OSBPL8: variants seen among roughly 807,000 people sequenced by gnomAD.
OSBPL8 encodes oxysterol binding protein like 8.
A neutral mutation model predicts 125.5 loss-of-function variants in OSBPL8; 59 were observed. The ratio of observed to expected loss-of-function variants is 0.47; its 90% CI spans 0.38 to 0.58. The LOEUF (loss-of-function observed/expected upper bound fraction) is 0.58, where lower values mean the gene tolerates loss of function less well. Ranked by LOEUF, OSBPL8 falls within the 20% of genes least tolerant of loss-of-function variation. The pLI, the probability that OSBPL8 is intolerant of heterozygous loss-of-function variation, is 0.00. For missense variants in OSBPL8, 758 were observed against 1,047.8 expected, an observed-to-expected ratio of 0.72 and a Z score of 3.82; for synonymous variants, 330 against 338.9, an observed-to-expected ratio of 0.97 and a Z score of 0.29.
intron 1 of OSBPL8, among the ~76,000 whole-genome samples, chr12:76,490,694 C>A (rs1318341841): frequency 6.6e-6 from 1 of 152,216 alleles, no homozygotes; most frequent in Non-Finnish European, 1.5e-5. Flanking sequence ...TTGGGAGCCA[C>A]AAGTGTGGAT....
chr12:76,486,923 T>C (rs1032587146), intron 2 of OSBPL8, among the ~76,000 whole-genome samples: 10 of 151,870 alleles, frequency 6.6e-5, no homozygotes, highest in African/African-American at 2.2e-4. Context: ...TCTTTCACTA[T>C]ATGGCTGGAA....
chr12:76,427,729 T>C (rs1870315673), intron 4 of OSBPL8, among the ~76,000 whole-genome samples: 1 of 152,068 alleles, frequency 6.6e-6, no homozygotes, highest in South Asian at 2.1e-4. Flanking sequence ...CAAAAGAGCA[T>C]CAACATTGCA....
chr12:76,505,795 T>C (rs1592809376), intron 1 of OSBPL8, among the ~76,000 whole-genome samples: 1 of 152,158 alleles, frequency 6.6e-6, no homozygotes, highest in Middle Eastern at 3.4e-3. Context: ...TAGGGAACAG[T>C]AGTGAGCAAA....
intron 4 of OSBPL8, among the ~76,000 whole-genome samples, chr12:76,427,058 G>A (rs1360074033): frequency 6.6e-6 from 1 of 151,992 alleles, no homozygotes; most frequent in African/African-American, 2.4e-5. Context: ...TCTGAATGGT[G>A]GTAAAATAAA....
rs1439058094 is a variant in OSBPL8 at position 76,397,756 on chromosome 12, T to C, written c.610A>G (p.Lys204Glu). 6.2e-7 allele frequency: 1 copy of C among 1,614,010 alleles called. No homozygotes were observed. Among genetic ancestry groups the C allele is most frequent in the Non-Finnish European group, 8.5e-7 (1 of 1,180,010 alleles). The change falls in exon 8 of 24, where the codon AAA (lysine) becomes GAA (glutamate). Residue 204 changes from lysine to glutamate, a missense_variant. Transcript: ENST00000261183. ...NACEIIERPSKKDGFCFKLFH... is the reference protein window; with the variant it reads ...NACEIIERPSEKDGFCFKLFH... ...AGTTTGAAACAAAAGCCATCCTTTT[T>C]TGATGGACGTTCAATGATTTCACAG...
At chr12:76,425,853 A>G (rs1870086525) in intron 4 of OSBPL8, among the ~76,000 whole-genome samples, 1 of 152,174 alleles carries the variant, frequency 6.6e-6, no homozygotes, top group Non-Finnish European at 1.5e-5. Flanking sequence ...GCAATAATGA[A>G]TCTTGTGTTT....
chr12:76,398,409 T>C (rs1953909319), intron 7 of OSBPL8, among the ~76,000 whole-genome samples: 1 of 152,094 alleles, frequency 6.6e-6, no homozygotes, highest in Non-Finnish European at 1.5e-5. Context: ...TTCAAATTAC[T>C]TTGTTCCTAG....
At chr12:76,500,850 A>T (rs1879826923) in intron 1 of OSBPL8, among the ~76,000 whole-genome samples, 1 of 152,176 alleles carries the variant, frequency 6.6e-6, no homozygotes, top group African/African-American at 2.4e-5. Flanking sequence ...GGCCACATAT[A>T]TGTTTGGAAC....
chr12:76,480,942 G>C (rs1258156453), intron 2 of OSBPL8, among the ~76,000 whole-genome samples: 1 of 152,274 alleles, frequency 6.6e-6, no homozygotes, highest in Admixed American at 6.5e-5. Flanking sequence ...TTCTGAGTGG[G>C]TTATGTAACT....
chr12:76,406,333 A>G, intron 5 of OSBPL8, among the ~76,000 whole-genome samples: 1 of 152,202 alleles, frequency 6.6e-6, no homozygotes, highest in Non-Finnish European at 1.5e-5. Context: ...GTAAATGTAT[A>G]TTTTAAAGCA....
Position 76,355,735 on chromosome 12 carries a change from T to C in OSBPL8, c.*154A>G, listed in dbSNP as rs1237566228. 16 of 727,416 alleles carry C rather than the reference T, an allele frequency of 2.2e-5. 1 individual carries two copies. The highest frequency in any genetic ancestry group is 5.4e-5 in the African/African-American group (3 of 55,448). The allele number at this position is 727,416 out of a possible 1,614,324, so 45.1% of individuals were successfully genotyped here. A position where few individuals can be genotyped will look rare whatever the true frequency, so the allele number is the denominator to read the frequency against. The stretch of plus-strand genomic sequence containing the variant: ...GATAGCTCTTGTTTCAGTGTGAAGA[T>C]AAAAGATACGAAAAGTCAATACCTC... On this transcript the variant is annotated 3_prime_UTR_variant, in exon 24 of 24. Transcript: ENST00000261183.
chr12:76,423,497 A>G (rs1869763234), intron 4 of OSBPL8, among the ~76,000 whole-genome samples: 1 of 152,176 alleles, frequency 6.6e-6, no homozygotes, highest in African/African-American at 2.4e-5. Context: ...TGTTCAGTCT[A>G]TCAATGAGTC....
intron 1 of OSBPL8, among the ~76,000 whole-genome samples, chr12:76,507,383 C>T (rs957441783): frequency 3.3e-5 from 5 of 151,676 alleles, no homozygotes; most frequent in Non-Finnish European, 5.9e-5. Context: ...GAATATTGAA[C>T]ATTCAATTAT....
intron 1 of OSBPL8, among the ~76,000 whole-genome samples, chr12:76,551,038 G>A (rs1565992042): frequency 6.6e-6 from 1 of 151,956 alleles, no homozygotes; most frequent in Non-Finnish European, 1.5e-5. Flanking sequence ...GGAGACAGGA[G>A]GAGACTCTGT....
chr12:76,498,132 C>T (rs1469874350), intron 1 of OSBPL8, among the ~76,000 whole-genome samples: 1 of 152,160 alleles, frequency 6.6e-6, no homozygotes, highest in Non-Finnish European at 1.5e-5. Context: ...GGGCTGGGCA[C>T]AGTGGCTCAC....
At chr12:76,384,387 T>C in intron 14 of OSBPL8, 37 bp from the exon 15 acceptor site, 1 of 1,111,208 alleles carries the variant, frequency 9.0e-7, no homozygotes, top group Admixed American at 2.3e-5. Context: ...ATATAAAATA[T>C]AAAAACATGT....
At chr12:76,528,592 A>G (rs1276067833) in intron 1 of OSBPL8, among the ~76,000 whole-genome samples, 4 of 152,304 alleles carry the variant, frequency 2.6e-5, no homozygotes, top group African/African-American at 9.6e-5. Context: ...AAATGAATCA[A>G]GTGAGTACTA....
intron 19 of OSBPL8, among the ~76,000 whole-genome samples, 169 bp from the exon 20 acceptor site, chr12:76,369,991 C>T (rs1304769171): frequency 1.3e-5 from 2 of 152,120 alleles, no homozygotes; most frequent in African/African-American, 2.4e-5. Flanking sequence ...TAAATCCAGT[C>T]CCTTGAGTAG....
intron 2 of OSBPL8, among the ~76,000 whole-genome samples, chr12:76,464,016 C>T (rs887631046): frequency 3.3e-5 from 5 of 152,142 alleles, no homozygotes; most frequent in African/African-American, 4.8e-5. Flanking sequence ...TTAACTTGTA[C>T]AATATTTAAA....
Sources: gnomAD v4.1 joint callset for allele counts (sites outside exome capture counted in the v4.1 genomes callset) on GRCh38, gnomAD v4.1.1 for gene constraint, MANE v1.5 for transcripts, NCBI Gene and HGNC (gene_info 2026-07-23, HGNC 2026-07-21) for gene names.